ABLIM1: variants seen among roughly 807,000 people sequenced by gnomAD.
ABLIM1 encodes actin-binding LIM protein 1.
ABLIM1 carries 40 observed loss-of-function variants against 107.0 expected under a neutral mutation model. The observed-to-expected ratio is 0.37, with a 90% CI of 0.29 to 0.49. ABLIM1 has a LOEUF of 0.49. ABLIM1 is among the 20% of genes least tolerant of loss of function. The probability of loss-of-function intolerance (pLI) is 0.97; values close to 1 mark genes in which losing one functional copy is unlikely to be tolerated. For missense variants in ABLIM1, 857 were observed against 1,008.5 expected (o/e 0.85, Z 2.04); for synonymous variants, 357 against 357.3 (o/e 1.00, Z 0.01).
At chr10:114,551,546 C>T (rs1312016885) in intron 4 of ABLIM1, among the ~76,000 whole-genome samples, 1 of 152,206 alleles carries the variant, frequency 6.6e-6, no homozygotes, top group Admixed American at 6.5e-5. Flanking sequence ...AAATGAAGGA[C>T]TGGCCCAGGG....
chr10:114,684,623 A>C lies in ABLIM1; in HGVS notation c.-270T>G, dbSNP rs1002967337. 4.9e-6 allele frequency: 6 copies of C among 1,223,484 alleles called. No individual in the cohort carries two copies. In the Admixed American group the frequency reaches 1.4e-4, roughly 29 times the overall value. The allele number at this position is 1,223,484 out of a possible 1,614,324, so 75.8% of individuals were successfully genotyped here. On this transcript the variant is annotated 5_prime_UTR_variant, in exon 1 of 24. Coordinates refer to the ABLIM1 transcript ENST00000369256. ...GACCCTGCCCCTACCACTTCTAAAGAGACCCCTTGCAAAAGCACATCAGCT... is the reference window on the plus strand; with the variant it reads ...GACCCTGCCCCTACCACTTCTAAAGCGACCCCTTGCAAAAGCACATCAGCT...
rs374313717 is a variant in ABLIM1 at position 114,693,649 on chromosome 10, C to CT, written c.-213+74411dup. On this transcript the variant is annotated intron_variant, in intron 1 of 15. Transcript: ENST00000651092. ...GTTTTTTCTTTCTTTCTTTTTATTT[C>CT]TTTTTTTTTTTCTTTCAGAAACAGG... Among the ~76,000 whole-genome samples the CT allele has an allele frequency of 3.9e-4, 57 of 146,726 alleles. 1 individual carries two copies. The South Asian group carries it at 4.3e-3, about 11-fold the overall frequency.
chr10:114,578,568 G>C (rs377246928), intron 2 of ABLIM1, among the ~76,000 whole-genome samples: 1 of 151,478 alleles, frequency 6.6e-6, no homozygotes, highest in Admixed American at 6.6e-5. Context: ...CACCACACCC[G>C]GCTAATTTTG....
intron 6 of ABLIM1, among the ~76,000 whole-genome samples, chr10:114,501,715 T>C (rs1220287453): frequency 6.6e-6 from 1 of 152,176 alleles, no homozygotes; most frequent in Non-Finnish European, 1.5e-5. Context: ...CACTGAAAAA[T>C]TGGGTGGAAC....
intron 15 of ABLIM1, 105 bp downstream of exon 15, chr10:114,447,775 T>C: frequency 6.7e-7 from 1 of 1,492,946 alleles, no homozygotes; most frequent in Non-Finnish European, 9.1e-7. Context: ...ATACTTTTCT[T>C]TAAAATCTTC....
At chr10:114,441,193 A>G (rs547746964) in intron 18 of ABLIM1, 116 bp from the exon 19 acceptor site, 6 of 1,137,060 alleles carry the variant, frequency 5.3e-6, no homozygotes, top group Non-Finnish European at 7.4e-6. Flanking sequence ...TAAATGTCAG[A>G]CCTTCATTTT....
intron 12 of ABLIM1, among the ~76,000 whole-genome samples, chr10:114,456,069 C>T (rs1418788319): frequency 6.6e-6 from 1 of 152,190 alleles, no homozygotes; most frequent in African/African-American, 2.4e-5. Flanking sequence ...CCGCCTCGGC[C>T]TCCCAAAGTG....
At chr10:114,674,124 T>C (rs888413166) in intron 1 of ABLIM1, among the ~76,000 whole-genome samples, 1 of 151,766 alleles carries the variant, frequency 6.6e-6, no homozygotes. Context: ...ACCCCATCTA[T>C]ACTAGAAACA....
At chr10:114,502,052 A>C (rs1384910031) in intron 6 of ABLIM1, 1 of 154,506 alleles carries the variant, frequency 6.5e-6, no homozygotes, top group Non-Finnish European at 1.5e-5. Context: ...TGTGATCCTG[A>C]ATTCTTGCAA....
At chr10:114,626,413 A>G (rs1194472572) in intron 1 of ABLIM1, among the ~76,000 whole-genome samples, 1 of 152,182 alleles carries the variant, frequency 6.6e-6, no homozygotes, top group Non-Finnish European at 1.5e-5. Context: ...AGATTGTAGC[A>G]AGTTTGTACA....
Position 114,614,927 on chromosome 10 carries a change from G to C in ABLIM1, c.245-12966C>G, listed in dbSNP as rs1292330651. 3.3e-5 allele frequency among the ~76,000 whole-genome samples: 5 copies of C among 152,106 alleles called. No individual in the cohort carries two copies. The South Asian group carries it at 1.0e-3, about 32-fold the overall frequency. On this transcript the variant is annotated intron_variant, in intron 1 of 22. Transcript: ENST00000533213. ...TAGCCAGGTGTGGTGGTGCGCACCT[G>C]TAATCCCAGCTACTTGAGAGGCTGA...
chr10:114,700,827 C>A (rs570293415), intron 1 of ABLIM1, among the ~76,000 whole-genome samples: 17 of 152,114 alleles, frequency 1.1e-4, no homozygotes, highest in Admixed American at 3.3e-4. Flanking sequence ...AAATCTAAAT[C>A]TCTAATAGTG....
At chr10:114,744,059 C>T (rs575266096) in intron 1 of ABLIM1, among the ~76,000 whole-genome samples, 3 of 152,078 alleles carry the variant, frequency 2.0e-5, no homozygotes, top group Non-Finnish European at 4.4e-5. Context: ...TGAGATGTGG[C>T]GTGGGCGTAG....
chr10:114,741,182 T>G (rs895185618), intron 1 of ABLIM1, among the ~76,000 whole-genome samples: 4 of 151,076 alleles, frequency 2.6e-5, no homozygotes, highest in African/African-American at 9.7e-5. Context: ...ACCCTAAAGA[T>G]TCTGCTTGAT....
upstream of ABLIM1, among the ~76,000 whole-genome samples, chr10:114,770,382 G>A (rs537262308): frequency 2.6e-5 from 4 of 152,204 alleles, no homozygotes; most frequent in East Asian, 1.9e-4. Flanking sequence ...TTCCTACCTT[G>A]CCAGTGCCAT....
chr10:114,587,908 G>A (rs1270041949), intron 2 of ABLIM1, among the ~76,000 whole-genome samples: 2 of 152,124 alleles, frequency 1.3e-5, no homozygotes, highest in Admixed American at 1.3e-4. Context: ...GCTTCCACAA[G>A]TAAGCACCTT....
chr10:114,474,581 CG>C (rs1215125662), intron 8 of ABLIM1, among the ~76,000 whole-genome samples: 1 of 152,042 alleles, frequency 6.6e-6, no homozygotes, highest in East Asian at 1.9e-4. Flanking sequence ...AGGGTTTCAC[CG>C]TGTTAGCCAG....
intron 1 of ABLIM1, among the ~76,000 whole-genome samples, chr10:114,641,248 A>G (rs200788768): frequency 6.0e-4 from 41 of 68,478 alleles, no homozygotes; most frequent in Admixed American, 5.0e-3. Flanking sequence ...AGCCAATCAT[A>G]AAAAAAAAAA....
At chr10:114,754,287 A>G (rs538678503) in intron 1 of ABLIM1, among the ~76,000 whole-genome samples, 1 of 151,126 alleles carries the variant, frequency 6.6e-6, no homozygotes, top group Non-Finnish European at 1.5e-5. Flanking sequence ...CCCTTTGCAT[A>G]AATCTTTCTA....
Sources: allele counts gnomAD v4.1 joint callset (sites outside exome capture counted in the v4.1 genomes callset), GRCh38; gene constraint gnomAD v4.1.1; transcripts MANE v1.5; gene names NCBI Gene and HGNC (gene_info 2026-07-23, HGNC 2026-07-21).